PGM1: variants seen among roughly 807,000 people sequenced by gnomAD.
PGM1 encodes phosphoglucomutase-1.
In PGM1, 52 loss-of-function variants were observed where a neutral mutation model predicts 55.6. The ratio of observed to expected loss-of-function variants is 0.94; its 90% confidence interval spans 0.75 to 1.18. The LOEUF is 1.18. Among genes scored for constraint, PGM1 ranks in the 50% most tolerant of loss-of-function variants. The probability of loss-of-function intolerance (pLI) is 0.00; values close to 1 mark genes in which losing one functional copy is unlikely to be tolerated. For missense variants in PGM1, 724 were observed against 729.3 expected (o/e 0.99, Z 0.08); for synonymous variants, 287 against 271.7 (o/e 1.06, Z -0.55).
chr1:63,659,453 T>G (rs1650057814), intron 10 of PGM1, 133 bp from the exon 11 acceptor site: 1 of 734,114 alleles, frequency 1.4e-6, no homozygotes, highest in Non-Finnish European at 2.5e-6. Context: ...AAATAACATG[T>G]GTTTGTTTTT....
At chr1:63,618,961 C>T (rs1648814999) in intron 1 of PGM1, among the ~76,000 whole-genome samples, 1 of 152,176 alleles carries the variant, frequency 6.6e-6, no homozygotes, top group Admixed American at 6.5e-5. Context: ...TATGAATGAT[C>T]CCGAGTTGGA....
intron 1 of PGM1, among the ~76,000 whole-genome samples, chr1:63,613,115 C>T (rs1648611517): frequency 6.6e-6 from 1 of 151,926 alleles, no homozygotes; most frequent in Non-Finnish European, 1.5e-5. Flanking sequence ...GAGCATGGCC[C>T]ATGCAGGGTT....
chr1:63,621,091 A>C (rs59209915), intron 1 of PGM1, among the ~76,000 whole-genome samples: 7 of 152,044 alleles, frequency 4.6e-5, no homozygotes, highest in Non-Finnish European at 1.0e-4. Flanking sequence ...GTTGAGTTCT[A>C]TAGTGTTCAT....
At chr1:63,624,264 A>G (rs1349996665) in intron 1 of PGM1, among the ~76,000 whole-genome samples, 1 of 152,144 alleles carries the variant, frequency 6.6e-6, no homozygotes, top group Admixed American at 6.6e-5. Flanking sequence ...AGGGGTTGGA[A>G]AATGTTAGGT....
At chr1:63,652,021 C>G (rs1048213721) in intron 9 of PGM1, among the ~76,000 whole-genome samples, 169 bp downstream of exon 9, 1 of 152,200 alleles carries the variant, frequency 6.6e-6, no homozygotes, top group Non-Finnish European at 1.5e-5. Context: ...CTCTCACATG[C>G]ACTCGTTGGG....
chr1:63,627,401 G>A (rs1649054083), intron 1 of PGM1, among the ~76,000 whole-genome samples: 2 of 152,100 alleles, frequency 1.3e-5, no homozygotes, highest in South Asian at 4.1e-4. Flanking sequence ...AGAGGCAGGG[G>A]AGATTGAGTT....
intron 2 of PGM1, 87 bp from the exon 3 acceptor site, chr1:63,629,855 A>G (rs937021030): frequency 7.1e-7 from 1 of 1,404,486 alleles, no homozygotes; most frequent in Non-Finnish European, 1.0e-6. Flanking sequence ...TAGATGTGCT[A>G]GTGAAGAGGA....
intron 1 of PGM1, among the ~76,000 whole-genome samples, chr1:63,628,345 T>C (rs1437655943): frequency 2.6e-5 from 4 of 152,054 alleles, no homozygotes; most frequent in Non-Finnish European, 5.9e-5. Flanking sequence ...AGCCAAGAGG[T>C]AACTGAAGGG....
chr1:63,598,479 A>C (rs1648144461), intron 1 of PGM1, among the ~76,000 whole-genome samples: 1 of 152,184 alleles, frequency 6.6e-6, no homozygotes, highest in Non-Finnish European at 1.5e-5. Flanking sequence ...TGATGTTTTG[A>C]GACGTCTGCA....
chr1:63,633,904 GTGTGTGTGTGTGTGTATA>G (rs1444245634), intron 4 of PGM1, among the ~76,000 whole-genome samples: 52 of 36,022 alleles, frequency 1.4e-3, no homozygotes, highest in African/African-American at 9.1e-3. Flanking sequence ...GTGTGTGTGT[GTGTGTGTGTGTGTGTATA>G]TATATATATA....
intron 7 of PGM1, among the ~76,000 whole-genome samples, chr1:63,643,848 A>C (rs759404829): frequency 6.6e-6 from 1 of 152,216 alleles, no homozygotes; most frequent in African/African-American, 2.4e-5. Flanking sequence ...ATTGCAGGAC[A>C]TGTTAGCCAG....
At chr1:63,606,511 A>G (rs1463540856) in intron 1 of PGM1, among the ~76,000 whole-genome samples, 2 of 152,110 alleles carry the variant, frequency 1.3e-5, no homozygotes, top group Non-Finnish European at 2.9e-5. Context: ...ATGGCTGCCC[A>G]CCACCTTACC....
chr1:63,622,990 C>G (rs1180671430), intron 1 of PGM1: 1 of 156,094 alleles, frequency 6.4e-6, no homozygotes. Flanking sequence ...ATGGCAGGAG[C>G]AGTGAGAGCC....
chr1:63,614,479 A>T (rs1648655040), intron 1 of PGM1, among the ~76,000 whole-genome samples: 1 of 152,152 alleles, frequency 6.6e-6, no homozygotes, highest in South Asian at 2.1e-4. Flanking sequence ...ATTCCCACAG[A>T]TGCCCACATT....
At chr1:63,638,110 A>T (rs1649409733) in intron 6 of PGM1, among the ~76,000 whole-genome samples, 1 of 152,314 alleles carries the variant, frequency 6.6e-6, no homozygotes, top group Admixed American at 6.5e-5. Context: ...GTGTGGGTGA[A>T]GCCAGTACTT....
At chr1:63,631,896 AAT>A (rs1649206108) in intron 4 of PGM1, 114 bp downstream of exon 4, 4 of 1,060,824 alleles carry the variant, frequency 3.8e-6, no homozygotes, top group Non-Finnish European at 5.8e-6. Context: ...ATGGTTTTTA[AAT>A]AGAGTTATTT....
chr1:63,628,369 T>C (rs3819908), intron 1 of PGM1, among the ~76,000 whole-genome samples: 20,383 of 152,094 alleles, frequency 0.13, 1,393 homozygotes, highest in African/African-American at 0.17. Flanking sequence ...CAGGTGCTCC[T>C]TGGGAGGTGG....
intron 7 of PGM1, 133 bp downstream of exon 7, chr1:63,638,933 A>G: frequency 2.6e-6 from 2 of 756,386 alleles, no homozygotes; most frequent in South Asian, 2.8e-5. Flanking sequence ...ATTATTTATA[A>G]CAACCCTGAT....
intron 1 of PGM1, among the ~76,000 whole-genome samples, chr1:63,611,874 A>C (rs1009904398): frequency 6.6e-6 from 1 of 151,946 alleles, no homozygotes; most frequent in Non-Finnish European, 1.5e-5. Flanking sequence ...ACTGCACTCC[A>C]ACCTGGCAAC....
Sources: allele counts gnomAD v4.1 joint callset (sites outside exome capture counted in the v4.1 genomes callset), GRCh38; gene constraint gnomAD v4.1.1; transcripts MANE v1.5; gene names NCBI Gene and HGNC (gene_info 2026-07-23, HGNC 2026-07-21).